DOCK4: variants seen among roughly 807,000 people sequenced by gnomAD.
DOCK4 encodes dedicator of cytokinesis protein 4.
DOCK4 carries 97 observed loss-of-function variants against 268.1 expected under a neutral mutation model. The observed-to-expected ratio is 0.36, with a 90% CI of 0.31 to 0.43. The LOEUF (loss-of-function observed/expected upper bound fraction) is 0.43. Among genes scored for constraint, DOCK4 ranks in the 20% least tolerant of loss-of-function variants. The pLI is 1.00. For synonymous variants in DOCK4, 954 were observed against 887.2 expected, an observed-to-expected ratio of 1.08 and a Z score of -1.34; for missense variants, 2,145 against 2,455.7, an observed-to-expected ratio of 0.87 and a Z score of 2.67.
chr7:112,149,288 C>T (rs967821242), intron 1 of DOCK4, among the ~76,000 whole-genome samples: 9 of 152,088 alleles, frequency 5.9e-5, no homozygotes, highest in African/African-American at 2.2e-4. Context: ...TTTCTATGCT[C>T]AAGCAAACAG....
intron 1 of DOCK4, among the ~76,000 whole-genome samples, chr7:112,137,227 T>C (rs1814444296): frequency 6.6e-6 from 1 of 152,238 alleles, no homozygotes; most frequent in Non-Finnish European, 1.5e-5. Flanking sequence ...GGAAGGATTC[T>C]AGAAGATAAT....
intron 1 of DOCK4, among the ~76,000 whole-genome samples, chr7:112,131,266 C>T (rs1813769846): frequency 6.6e-6 from 1 of 152,064 alleles, no homozygotes; most frequent in South Asian, 2.1e-4. Flanking sequence ...ATAAATCACT[C>T]CATGGTGACT....
chr7:111,908,662 A>G (rs760807955), intron 13 of DOCK4, among the ~76,000 whole-genome samples: 2 of 151,980 alleles, frequency 1.3e-5, no homozygotes, highest in Non-Finnish European at 2.9e-5. Flanking sequence ...TAAGCCCCGC[A>G]TGCATTACGT....
intron 1 of DOCK4, among the ~76,000 whole-genome samples, chr7:112,175,312 C>T (rs1352858517): frequency 2.6e-5 from 4 of 152,148 alleles, no homozygotes. Context: ...TGAATCAAAA[C>T]ACCAAGCTGT....
chr7:112,008,931 T>G (rs1801075564), intron 1 of DOCK4, among the ~76,000 whole-genome samples: 2 of 152,220 alleles, frequency 1.3e-5, no homozygotes, highest in South Asian at 4.1e-4. Flanking sequence ...AGGCGGAGGT[T>G]GCAGTGAGCT....
At chr7:112,004,017 T>A in intron 2 of DOCK4, 31 bp downstream of exon 2, 1 of 1,522,986 alleles carries the variant, frequency 6.6e-7, no homozygotes, top group Non-Finnish European at 9.0e-7. Flanking sequence ...AACAGCCGTA[T>A]GTTGAGGAGG....
At chr7:111,810,485 A>G (rs966396842) in intron 28 of DOCK4, among the ~76,000 whole-genome samples, 1 of 152,086 alleles carries the variant, frequency 6.6e-6, no homozygotes, top group Non-Finnish European at 1.5e-5. Context: ...AGTCAAGAAT[A>G]GACAATTCAC....
Position 111,901,677 on chromosome 7 carries a change from C to G in DOCK4, c.1317G>C (p.Lys439Asn), listed in dbSNP as rs1791160463. ...FIVDSSGQTL[K>N]DFISFGSGEP... ...CTGGAAATATCAAGTATTAACATAC[C>G]TTCAGGGTTTGGCCACTACTGTCTA... Residue 439 changes from lysine (K) to asparagine (N), a missense_variant and splice_region_variant, in exon 14 of 53, where the codon AAG becomes AAC. Coordinates refer to ENST00000428084, the MANE Select transcript of DOCK4 (RefSeq NM_001363540.2). 7 of 1,613,090 alleles carry G rather than the reference C, an allele frequency of 4.3e-6. No homozygotes were observed. Among genetic ancestry groups the G allele is most frequent in the Middle Eastern group, 1.7e-4 (1 of 6,056 alleles).
intron 13 of DOCK4, among the ~76,000 whole-genome samples, chr7:111,911,521 G>A (rs1027846284): frequency 1.3e-5 from 2 of 151,978 alleles, no homozygotes; most frequent in East Asian, 1.9e-4. Context: ...AACCTCTTTT[G>A]TACTCCCCTG....
intron 36 of DOCK4, among the ~76,000 whole-genome samples, chr7:111,773,368 G>A (rs150622336): frequency 6.6e-6 from 1 of 152,152 alleles, no homozygotes; most frequent in Non-Finnish European, 1.5e-5. Flanking sequence ...TGACTTTGGG[G>A]AACATAAAGA....
intron 12 of DOCK4, among the ~76,000 whole-genome samples, chr7:111,932,155 A>T (rs1363764931): frequency 6.6e-6 from 1 of 152,198 alleles, no homozygotes; most frequent in African/African-American, 2.4e-5. Flanking sequence ...ATATTCAAAC[A>T]ACCTAATAAC....
At chr7:111,757,951 C>A (rs974780835) in intron 41 of DOCK4, among the ~76,000 whole-genome samples, 1 of 152,134 alleles carries the variant, frequency 6.6e-6, no homozygotes, top group Non-Finnish European at 1.5e-5. Flanking sequence ...AACAATCTTG[C>A]CTCTTTTCTG....
intron 20 of DOCK4, among the ~76,000 whole-genome samples, chr7:111,871,247 A>G (rs1806405883): frequency 6.6e-6 from 1 of 152,262 alleles, no homozygotes; most frequent in Non-Finnish European, 1.5e-5. Flanking sequence ...AGCAAGGACC[A>G]TATTGGACTG....
intron 27 of DOCK4, among the ~76,000 whole-genome samples, chr7:111,822,113 G>C (rs1390674050): frequency 1.3e-5 from 2 of 152,180 alleles, no homozygotes; most frequent in African/African-American, 2.4e-5. Flanking sequence ...TGGTTATACA[G>C]CCTAGGGGAA....
At chr7:111,967,336 A>C (rs202206255) in intron 8 of DOCK4, among the ~76,000 whole-genome samples, 1,283 of 16,802 alleles carry the variant, frequency 0.076, no homozygotes, top group South Asian at 0.091. Context: ...AATCTCCTTA[A>C]ACTGATAAGC....
At position 112,168,413 on chromosome 7, in the gene DOCK4, T is replaced by C. The variant is rs147284059; in HGVS notation, c.37+37689A>G. 2.0e-3 allele frequency among the ~76,000 whole-genome samples: 298 copies of C among 152,260 alleles called. 2 individuals carry two copies. The highest frequency in any genetic ancestry group is 6.6e-3 in the African/African-American group (276 of 41,552). ...ACCTGTCAGCACACATACAAAGAGTTCCTTTAAAAACACAGTTAACGAGCC... is the reference window on the plus strand; with the variant it reads ...ACCTGTCAGCACACATACAAAGAGTCCCTTTAAAAACACAGTTAACGAGCC... On this transcript the variant is annotated intron_variant, in intron 1 of 52. Coordinates refer to ENST00000428084, the MANE Select transcript of DOCK4 (RefSeq NM_001363540.2).
At chr7:111,807,872 T>C (rs951231190) in intron 30 of DOCK4, 1 of 151,674 alleles carries the variant, frequency 6.6e-6, no homozygotes, top group Non-Finnish European at 1.5e-5. Context: ...CAAGTTGTTA[T>C]GTATATTTGA....
chr7:112,024,877 G>C (rs755940168), intron 1 of DOCK4, among the ~76,000 whole-genome samples: 1 of 152,172 alleles, frequency 6.6e-6, no homozygotes, highest in Non-Finnish European at 1.5e-5. Flanking sequence ...AATTAGCAAA[G>C]TGATACAAAT....
intron 1 of DOCK4, among the ~76,000 whole-genome samples, chr7:112,145,874 T>C (rs1017784813): frequency 6.6e-6 from 1 of 152,162 alleles, no homozygotes; most frequent in African/African-American, 2.4e-5. Flanking sequence ...AGAGCAAGTA[T>C]GTAAAAATAT....
Sources: allele counts gnomAD v4.1 joint callset (sites outside exome capture counted in the v4.1 genomes callset), GRCh38; gene constraint gnomAD v4.1.1; transcripts MANE v1.5; gene names NCBI Gene and HGNC (gene_info 2026-07-23, HGNC 2026-07-21).